GRK3: variants seen among roughly 807,000 people sequenced by gnomAD.
The protein encoded by GRK3 is adrenergic, beta, receptor kinase 2.
GRK3 carries 54 observed loss-of-function variants against 95.7 expected under a neutral mutation model. The ratio of observed to expected loss-of-function variants is 0.56; its 90% confidence interval spans 0.45 to 0.71. The LOEUF is 0.71. Among genes scored for constraint, GRK3 ranks in the 30% least tolerant of loss-of-function variants. The probability of loss-of-function intolerance (pLI) is 0.00; values close to 1 mark genes in which losing one functional copy is unlikely to be tolerated. For synonymous variants in GRK3, 281 were observed against 290.8 expected (o/e 0.97, Z 0.34); for missense variants, 649 against 851.2 (o/e 0.76, Z 2.96).
At chr22:25,686,905 C>T (rs2085119205) in intron 10 of GRK3, among the ~76,000 whole-genome samples, 1 of 152,188 alleles carries the variant, frequency 6.6e-6, no homozygotes, top group South Asian at 2.1e-4. Flanking sequence ...CTGCAATCTC[C>T]ACCTTTCAGG....
intron 3 of GRK3, among the ~76,000 whole-genome samples, chr22:25,656,831 T>A (rs1039748986): frequency 3.3e-5 from 5 of 152,208 alleles, no homozygotes; most frequent in African/African-American, 4.8e-5. Context: ...TATTGTGACT[T>A]GGTGACCACT....
At chr22:25,569,918 C>T (rs1023168530) in intron 1 of GRK3, among the ~76,000 whole-genome samples, 1 of 152,166 alleles carries the variant, frequency 6.6e-6, no homozygotes, top group Non-Finnish European at 1.5e-5. Context: ...GAGCTCAGCC[C>T]AGGTGACACC....
intron 8 of GRK3, among the ~76,000 whole-genome samples, chr22:25,674,806 G>A (rs1406514019): frequency 2.6e-5 from 4 of 152,120 alleles, no homozygotes; most frequent in East Asian, 3.9e-4. Flanking sequence ...AAAATTAGCC[G>A]GGCGCAGTGG....
At position 25,629,812 on chromosome 22, in the gene GRK3, G is replaced by A. The variant is rs537798378; in HGVS notation, c.191-14780G>A. On this transcript the variant is annotated intron_variant, in intron 2 of 20. Transcript: ENST00000324198. Reference sequence around the variant, plus strand: ...AGCATGAAGGATGAGTTGGAAAGGAGGATGACAGGTGGCTGGGAGCTTAGT... The same window carrying A: ...AGCATGAAGGATGAGTTGGAAAGGAAGATGACAGGTGGCTGGGAGCTTAGT... Among the ~76,000 whole-genome samples, 9 of 152,314 alleles carry A rather than the reference G, an allele frequency of 5.9e-5. No homozygotes were observed. In the South Asian group the frequency reaches 1.2e-3, roughly 21 times the overall value.
At chr22:25,716,747 C>T (rs1035848730) in intron 18 of GRK3, among the ~76,000 whole-genome samples, 3 of 152,066 alleles carry the variant, frequency 2.0e-5, no homozygotes, top group South Asian at 2.1e-4. Flanking sequence ...AAAAATAATG[C>T]AAATAAAAGC....
At chr22:25,637,512 A>G (rs1274917574) in intron 2 of GRK3, among the ~76,000 whole-genome samples, 2 of 152,208 alleles carry the variant, frequency 1.3e-5, no homozygotes, top group East Asian at 3.8e-4. Flanking sequence ...TCTTTGAATC[A>G]TTTCAGATAA....
chr22:25,612,762 G>A (rs1050918340), intron 2 of GRK3, among the ~76,000 whole-genome samples: 8 of 151,650 alleles, frequency 5.3e-5, no homozygotes, highest in African/African-American at 1.9e-4. Flanking sequence ...CATAAGAAAT[G>A]TACTTGCTGT....
rs563999129 is a variant in GRK3, at chr22:25,651,060, T to C, written c.264+6395T>C. ...AAAAACAGCCTTCTAGCACACTGTT[T>C]AAAATGAATAATGGCAGCCTAAACT... is the stretch of plus-strand genomic sequence containing the variant. On this transcript the variant is annotated intron_variant, in intron 3 of 20. Transcript: ENST00000324198. Among the ~76,000 whole-genome samples, 5 of 152,308 alleles carry C rather than the reference T, an allele frequency of 3.3e-5. No individual in the cohort carries two copies. The South Asian group carries it at 8.3e-4, about 25-fold the overall frequency.
chr22:25,696,954 A>G (rs1342814653), intron 13 of GRK3, among the ~76,000 whole-genome samples: 8 of 152,352 alleles, frequency 5.3e-5, no homozygotes, highest in East Asian at 1.9e-4. Context: ...CATTTCCCCT[A>G]TGAGATGCTG....
In GRK3 at chr22:25,678,897, G is replaced by T; in HGVS notation, c.729G>T (p.Leu243Phe). Reference protein sequence around the residue: ...ETLALNERIMLSLVSTGDCPF... With the variant: ...ETLALNERIMFSLVSTGDCPF... ...TAGCCTTAAATGAAAGAATCATGTT[G>T]TCTCTTGTCAGCACAGGAGTAAGTA... The change falls in exon 9 of 21, where the codon TTG becomes TTT. Residue 243 changes from leucine (L) to phenylalanine (F), a missense_variant. Coordinates refer to ENST00000324198, the MANE Select transcript of GRK3 (RefSeq NM_005160.4). The T allele has an allele frequency of 1.9e-6, 3 of 1,601,416 alleles. No homozygotes were observed. The highest frequency in any genetic ancestry group is 2.6e-6 in the Non-Finnish European group (3 of 1,171,116).
chr22:25,685,388 A>T, intron 10 of GRK3, 140 bp downstream of exon 10: 1 of 672,864 alleles, frequency 1.5e-6, no homozygotes, highest in East Asian at 2.7e-5. Context: ...GAAACCTTTT[A>T]CCCTTTAATC....
intron 4 of GRK3, 79 bp from the exon 5 acceptor site, chr22:25,663,551 T>G (rs145891409): frequency 3.6e-5 from 31 of 849,660 alleles, no homozygotes; most frequent in Middle Eastern, 3.6e-4. Context: ...TGTGTTAAAT[T>G]TATCTGTTGT....
chr22:25,715,457 T>C (rs2146469589), intron 18 of GRK3, among the ~76,000 whole-genome samples: 1 of 151,974 alleles, frequency 6.6e-6, no homozygotes, highest in African/African-American at 2.4e-5. Flanking sequence ...TGCAGTGAGC[T>C]GAGATTGTGC....
intron 2 of GRK3, among the ~76,000 whole-genome samples, chr22:25,644,325 A>G (rs77927958): frequency 0.022 from 3,353 of 151,954 alleles, 60 homozygotes; most frequent in Middle Eastern, 0.068. Context: ...GCCCTGTCGT[A>G]TCATACTTTT....
chr22:25,652,037 A>C (rs2084835299), intron 3 of GRK3, among the ~76,000 whole-genome samples: 1 of 152,210 alleles, frequency 6.6e-6, no homozygotes, highest in South Asian at 2.1e-4. Context: ...CTCATTAAAA[A>C]ATGAAGTGAT....
At chr22:25,648,067 G>T (rs2084799256) in intron 3 of GRK3, 1 of 533,080 alleles carries the variant, frequency 1.9e-6, no homozygotes, top group Non-Finnish European at 3.4e-6. Flanking sequence ...AGTGAGCTGA[G>T]ATCGCGCCAC....
chr22:25,727,521 C>G lies in GRK3; in HGVS notation c.*5071C>G, dbSNP rs133839. ...GGCTGTGTTAGCACTGATTGAGAAA[C>G]GCAGGCTCCCAAATTTTAAATTGCC... On this transcript the variant is annotated 3_prime_UTR_variant, in exon 21 of 21. Coordinates refer to ENST00000324198, the MANE Select transcript of GRK3 (RefSeq NM_005160.4). The G allele has an allele frequency of 6.6e-6, 1 of 152,244 alleles. No homozygotes were observed. The highest frequency in any genetic ancestry group is 2.1e-4 in the South Asian group (1 of 4,832). The allele number at this position is 152,244 out of a possible 1,614,324, so 9.4% of individuals were successfully genotyped here. A position where few individuals can be genotyped will look rare whatever the true frequency, so the allele number is the denominator to read the frequency against.
chr22:25,607,598 A>G (rs1398533818), intron 2 of GRK3, among the ~76,000 whole-genome samples: 1 of 151,928 alleles, frequency 6.6e-6, no homozygotes, highest in African/African-American at 2.4e-5. Context: ...ATTTTTTGGG[A>G]CAGAGTCTTG....
chr22:25,594,407 A>T (rs2084357375), intron 1 of GRK3, among the ~76,000 whole-genome samples: 1 of 152,178 alleles, frequency 6.6e-6, no homozygotes, highest in Non-Finnish European at 1.5e-5. Context: ...GAAAAAAGAA[A>T]ACTACAGGCC....
Sources: gnomAD v4.1 joint callset for allele counts (sites outside exome capture counted in the v4.1 genomes callset) on GRCh38, gnomAD v4.1.1 for gene constraint, MANE v1.5 for transcripts, NCBI Gene and HGNC (gene_info 2026-07-23, HGNC 2026-07-21) for gene names.